LPAR1: variants seen among roughly 807,000 people sequenced by gnomAD.
The protein encoded by LPAR1 is lysophosphatidic acid receptor 1.
A neutral mutation model predicts 23.8 loss-of-function variants in LPAR1; 5 were observed. The ratio of observed to expected loss-of-function variants is 0.21; its 90% confidence interval spans 0.11 to 0.44. The LOEUF is 0.44. LPAR1 is among the 20% of genes least tolerant of loss of function. The pLI, the probability that LPAR1 is intolerant of heterozygous loss-of-function variation, is 0.99. For missense variants in LPAR1, 311 were observed against 482.8 expected, an observed-to-expected ratio of 0.64 and a Z score of 3.33; for synonymous variants, 160 against 164.7, an observed-to-expected ratio of 0.97 and a Z score of 0.22.
intron 4 of LPAR1, among the ~76,000 whole-genome samples, chr9:110,971,576 G>A (rs2096420488): frequency 6.6e-6 from 1 of 152,138 alleles, no homozygotes; most frequent in Non-Finnish European, 1.5e-5. Context: ...TACGATTGCT[G>A]CTCAGAAGTT....
At chr9:110,979,358 T>C (rs1456610213) in intron 2 of LPAR1, among the ~76,000 whole-genome samples, 1 of 147,264 alleles carries the variant, frequency 6.8e-6, no homozygotes, top group Non-Finnish European at 1.5e-5. Context: ...ACAAAATGAG[T>C]CCAGCAGGTC....
chr9:111,014,340 G>A (rs1037884107), intron 2 of LPAR1, among the ~76,000 whole-genome samples: 2 of 151,946 alleles, frequency 1.3e-5, no homozygotes, highest in Non-Finnish European at 2.9e-5. Flanking sequence ...CATTTCTCTC[G>A]GCGCCTCTTC....
At chr9:110,910,174 G>C (rs2092212253) in intron 5 of LPAR1, among the ~76,000 whole-genome samples, 1 of 152,142 alleles carries the variant, frequency 6.6e-6, no homozygotes, top group Admixed American at 6.6e-5. Flanking sequence ...AAGCTTCAAA[G>C]GGTAGGCTGA....
At chr9:110,898,520 A>G (rs1221974013) in intron 5 of LPAR1, among the ~76,000 whole-genome samples, 2 of 152,238 alleles carry the variant, frequency 1.3e-5, no homozygotes, top group African/African-American at 4.8e-5. Context: ...CGCTATATTT[A>G]GAGTGGGAGA....
At chr9:110,940,080 A>G (rs1430200312) in intron 5 of LPAR1, among the ~76,000 whole-genome samples, 1 of 152,198 alleles carries the variant, frequency 6.6e-6, no homozygotes, top group Non-Finnish European at 1.5e-5. Flanking sequence ...TCTTCATTGG[A>G]TGCAATAAGA....
chr9:110,932,292 CATG>C (rs2094461987), intron 5 of LPAR1, among the ~76,000 whole-genome samples: 1 of 152,116 alleles, frequency 6.6e-6, no homozygotes, highest in East Asian at 1.9e-4. Context: ...ATAGAACAGC[CATG>C]ATGATTCTTC....
At chr9:111,007,703 A>AT (rs1474717305) in intron 2 of LPAR1, among the ~76,000 whole-genome samples, 2 of 152,170 alleles carry the variant, frequency 1.3e-5, no homozygotes, top group Non-Finnish European at 2.9e-5. Context: ...CTGAAGGATG[A>AT]TTTTGGCAAT....
Position 110,943,644 on chromosome 9 carries a change from G to C in LPAR1, c.46-1476C>G, listed in dbSNP as rs2095260364. On this transcript the variant is annotated intron_variant, in intron 4 of 5. Coordinates refer to ENST00000683809, the MANE Select transcript of LPAR1 (RefSeq NM_001351411.2). ...GGAGGCCAAAGTGGGTGGATCACTT[G>C]AGGTCAGAAGTTCGAGACCAGCCTG... Among the ~76,000 whole-genome samples, 3 of 152,216 alleles carry C rather than the reference G, an allele frequency of 2.0e-5. No homozygotes were observed. In the East Asian group the frequency reaches 5.8e-4, roughly 29 times the overall value.
At chr9:110,934,365 G>A (rs1187085332) in intron 5 of LPAR1, 1 of 151,914 alleles carries the variant, frequency 6.6e-6, no homozygotes, top group Non-Finnish European at 1.5e-5. Context: ...CCCTTTAATG[G>A]GGGATAGTGC....
intron 5 of LPAR1, among the ~76,000 whole-genome samples, chr9:110,900,096 T>C (rs1241921434): frequency 1.3e-5 from 2 of 152,208 alleles, no homozygotes; most frequent in African/African-American, 4.8e-5. Context: ...TCACAAAACT[T>C]TGTGACTCAG....
chr9:110,989,694 A>G (rs925051826), intron 2 of LPAR1, among the ~76,000 whole-genome samples: 1 of 152,166 alleles, frequency 6.6e-6, no homozygotes, highest in African/African-American at 2.4e-5. Flanking sequence ...AACAAATGTG[A>G]CAATAGACAA....
At chr9:110,975,740 T>G (rs1449860784) in intron 2 of LPAR1, among the ~76,000 whole-genome samples, 1 of 152,186 alleles carries the variant, frequency 6.6e-6, no homozygotes, top group Non-Finnish European at 1.5e-5. Context: ...TAACCCTCAT[T>G]TGGATGTTTC....
intron 2 of LPAR1, among the ~76,000 whole-genome samples, chr9:111,003,408 A>G (rs1201566821): frequency 6.6e-6 from 1 of 152,180 alleles, no homozygotes; most frequent in African/African-American, 2.4e-5. Flanking sequence ...GCAGGGTGGC[A>G]CACAAATCTA....
intron 4 of LPAR1, among the ~76,000 whole-genome samples, chr9:110,942,647 T>G (rs887095918): frequency 6.6e-6 from 1 of 152,234 alleles, no homozygotes; most frequent in East Asian, 1.9e-4. Flanking sequence ...ACAGACATTT[T>G]GTAATGCAGG....
chr9:111,035,299 T>C (rs2097872476), intron 2 of LPAR1, among the ~76,000 whole-genome samples: 1 of 152,150 alleles, frequency 6.6e-6, no homozygotes, highest in South Asian at 2.1e-4. Flanking sequence ...CACAGCTCAC[T>C]GCAGCCTTGA....
At chr9:111,003,515 T>C (rs1036073396) in intron 2 of LPAR1, among the ~76,000 whole-genome samples, 4 of 152,214 alleles carry the variant, frequency 2.6e-5, no homozygotes, top group Non-Finnish European at 2.9e-5. Context: ...CTAAAAGTGT[T>C]ACAAACACAT....
At chr9:111,014,163 G>C (rs1183834575) in intron 2 of LPAR1, among the ~76,000 whole-genome samples, 1 of 151,988 alleles carries the variant, frequency 6.6e-6, no homozygotes, top group Non-Finnish European at 1.5e-5. Context: ...CTGCCAATCT[G>C]CCCTTTGACA....
intron 2 of LPAR1, among the ~76,000 whole-genome samples, chr9:111,014,342 C>T (rs2097395262): frequency 6.6e-6 from 1 of 152,108 alleles, no homozygotes; most frequent in Non-Finnish European, 1.5e-5. Context: ...TTTCTCTCGG[C>T]GCCTCTTCCA....
intron 5 of LPAR1, among the ~76,000 whole-genome samples, chr9:110,904,250 C>T (rs890910939): frequency 2.6e-5 from 4 of 152,018 alleles, no homozygotes; most frequent in East Asian, 3.9e-4. Flanking sequence ...TGGCTACATA[C>T]GATAGATGAT....
Sources: gnomAD v4.1 joint callset for allele counts (sites outside exome capture counted in the v4.1 genomes callset) on GRCh38, gnomAD v4.1.1 for gene constraint, MANE v1.5 for transcripts, NCBI Gene and HGNC (gene_info 2026-07-23, HGNC 2026-07-21) for gene names.